The following PDSS2 variants were observed in gnomAD, a reference collection of about 807,000 sequenced individuals.
PDSS2 encodes all trans-polyprenyl-diphosphate synthase PDSS2.
PDSS2 carries 31 observed loss-of-function variants against 44.5 expected under a neutral mutation model. That is an observed-to-expected ratio of 0.70 (90% CI 0.52 to 0.94). The LOEUF (loss-of-function observed/expected upper bound fraction) is 0.94. PDSS2 is among the 40% of genes least tolerant of loss of function. PDSS2 has a pLI of 0.00. For synonymous variants in PDSS2, 157 were observed against 180.3 expected, an observed-to-expected ratio of 0.87 and a Z score of 1.03; for missense variants, 452 against 482.2, an observed-to-expected ratio of 0.94 and a Z score of 0.59.
intron 1 of PDSS2, among the ~76,000 whole-genome samples, chr6:107,417,066 T>C (rs1244951131): frequency 2.6e-5 from 4 of 152,078 alleles, no homozygotes; most frequent in Admixed American, 1.3e-4. Flanking sequence ...CCCGTCTCTA[T>C]TTAATTTTTA....
chr6:107,244,243 T>C (rs1409403855), intron 4 of PDSS2, among the ~76,000 whole-genome samples: 1 of 152,224 alleles, frequency 6.6e-6, no homozygotes. Flanking sequence ...TCAACCCCAG[T>C]GTTCACATCT....
intron 7 of PDSS2, among the ~76,000 whole-genome samples, chr6:107,163,342 G>A (rs1771214940): frequency 6.6e-6 from 1 of 152,070 alleles, no homozygotes; most frequent in Non-Finnish European, 1.5e-5. Flanking sequence ...CTCCAGACTT[G>A]GGCTCACAGG....
At chr6:107,412,657 C>A (rs1045482115) in intron 1 of PDSS2, among the ~76,000 whole-genome samples, 1 of 152,328 alleles carries the variant, frequency 6.6e-6, no homozygotes, top group African/African-American at 2.4e-5. Context: ...TCTCTTTTGA[C>A]TTTCCTTATG....
chr6:107,364,235 G>T (rs999257298), intron 1 of PDSS2, among the ~76,000 whole-genome samples: 2 of 152,218 alleles, frequency 1.3e-5, no homozygotes, highest in Non-Finnish European at 2.9e-5. Context: ...GTCCTGCGCC[G>T]TGCGCTCGCA....
chr6:107,336,810 G>T (rs1296157871), intron 1 of PDSS2, among the ~76,000 whole-genome samples: 2 of 146,838 alleles, frequency 1.4e-5, no homozygotes, highest in Non-Finnish European at 3.0e-5. Flanking sequence ...AAAAGGAAAA[G>T]AAAAAGAGGT....
At chr6:107,372,229 AT>A (rs371986737) in intron 1 of PDSS2, among the ~76,000 whole-genome samples, 33 of 150,714 alleles carry the variant, frequency 2.2e-4, no homozygotes, top group South Asian at 8.4e-4. Flanking sequence ...AGTTTTCTTT[AT>A]TTTTTTTTCA....
chr6:107,198,709 A>C (rs1215618046), intron 6 of PDSS2, among the ~76,000 whole-genome samples: 1 of 152,090 alleles, frequency 6.6e-6, no homozygotes, highest in Non-Finnish European at 1.5e-5. Context: ...TAATTCCAAC[A>C]CTTTGGGAGA....
At chr6:107,196,934 A>G (rs1772582829) in intron 6 of PDSS2, among the ~76,000 whole-genome samples, 1 of 152,054 alleles carries the variant, frequency 6.6e-6, no homozygotes, top group African/African-American at 2.4e-5. Context: ...ACTTCTGGGG[A>G]GCTGAACACA....
At chr6:107,423,776 C>T (rs1780899695) in intron 1 of PDSS2, among the ~76,000 whole-genome samples, 1 of 152,114 alleles carries the variant, frequency 6.6e-6, no homozygotes, top group South Asian at 2.1e-4. Context: ...CTGATTTTGA[C>T]TCAAAAGTAA....
In PDSS2 at chr6:107,459,200, AG is replaced by A; in HGVS notation, c.85del (p.Leu29SerfsTer24). ...AGAGCCCACCGAGGAGATGGTGTCG[AG>A]GGACGGGGACCACCACAGGCGACGC... Reference protein sequence around the residue: ...SPRRLWWSPSLDTISSVGSWR... With the variant: ...SPRRLWWSPSXDTISSVGSWR... On this transcript the variant is annotated frameshift_variant, in exon 1 of 8. Coordinates refer to ENST00000369037, the MANE Select transcript of PDSS2 (RefSeq NM_020381.4). LOFTEE classifies it high-confidence loss of function. This position sits in a 1 kb window ranked among gnomAD's most constrained non-coding sequence, Gnocchi z 4.3. 6.2e-7 allele frequency: 1 copy of A among 1,614,042 alleles called. No individual in the cohort carries two copies. Among genetic ancestry groups the A allele is most frequent in the Non-Finnish European group, 8.5e-7 (1 of 1,179,972 alleles).
chr6:107,296,832 A>C (rs910515013), intron 2 of PDSS2, among the ~76,000 whole-genome samples: 3 of 152,236 alleles, frequency 2.0e-5, no homozygotes, highest in Non-Finnish European at 2.9e-5. Flanking sequence ...TTCCATAAAT[A>C]CTTTTTGCAT....
intron 1 of PDSS2, among the ~76,000 whole-genome samples, chr6:107,341,428 T>TCACC (rs1778075823): frequency 6.6e-6 from 1 of 152,142 alleles, no homozygotes; most frequent in South Asian, 2.1e-4. Context: ...GACTTCCAGA[T>TCACC]GGTGATGCCA....
chr6:107,410,103 G>C (rs991630694), intron 1 of PDSS2, among the ~76,000 whole-genome samples: 1 of 152,152 alleles, frequency 6.6e-6, no homozygotes, highest in Non-Finnish European at 1.5e-5. Context: ...TGAATGAATA[G>C]GCCATCCAGG....
intron 6 of PDSS2, among the ~76,000 whole-genome samples, chr6:107,202,259 G>A (rs2114577916): frequency 6.6e-6 from 1 of 152,108 alleles, no homozygotes; most frequent in South Asian, 2.1e-4. Flanking sequence ...AGCTGGTCTT[G>A]AACTCCTGGC....
At chr6:107,155,934 GGCTGGAGT>G (rs1770877303) in intron 7 of PDSS2, among the ~76,000 whole-genome samples, 1 of 134,784 alleles carries the variant, frequency 7.4e-6, no homozygotes, top group African/African-American at 2.9e-5. Context: ...CTGTCATCCA[GGCTGGAGT>G]GCAGTGGCAT....
At chr6:107,384,268 G>A (rs902837725) in intron 1 of PDSS2, among the ~76,000 whole-genome samples, 3 of 152,126 alleles carry the variant, frequency 2.0e-5, no homozygotes, top group Non-Finnish European at 4.4e-5. Flanking sequence ...CAGGTACCGA[G>A]GTTTTTTTGA....
At chr6:107,412,095 G>GC (rs1347694955) in intron 1 of PDSS2, among the ~76,000 whole-genome samples, 2 of 151,262 alleles carry the variant, frequency 1.3e-5, no homozygotes, top group Non-Finnish European at 2.9e-5. Context: ...CACCATGTTA[G>GC]CAGGCTGGTC....
chr6:107,264,296 C>G, intron 3 of PDSS2: 1 of 1,412,236 alleles, frequency 7.1e-7, no homozygotes, highest in African/African-American at 1.4e-5. Flanking sequence ...AACATATTTA[C>G]GCCTTTAGGA....
chr6:107,267,667 T>G (rs1330268284), intron 3 of PDSS2, among the ~76,000 whole-genome samples: 1 of 150,610 alleles, frequency 6.6e-6, no homozygotes, highest in Non-Finnish European at 1.5e-5. Flanking sequence ...CTCAATGCAG[T>G]CTCCAACTCC....
Sources: gnomAD v4.1 joint callset for allele counts (sites outside exome capture counted in the v4.1 genomes callset) on GRCh38, gnomAD v4.1.1 for gene constraint, Gnocchi (gnomAD v3.1) non-coding constraint, MANE v1.5 for transcripts, NCBI Gene and HGNC (gene_info 2026-07-23, HGNC 2026-07-21) for gene names.